Variants in ITSN1 observed in about 807,000 individuals in gnomAD.
ITSN1 encodes the protein intersectin-1.
A neutral mutation model predicts 239.8 loss-of-function variants in ITSN1; 58 were observed. The observed-to-expected ratio is 0.24, with a 90% confidence interval of 0.20 to 0.30. The LOEUF is 0.30. Among genes scored for constraint, ITSN1 ranks in the 10% least tolerant of loss-of-function variants. ITSN1 has a pLI of 1.00. For missense variants in ITSN1, 1,558 were observed against 2,103.3 expected (o/e 0.74, Z 5.07); for synonymous variants, 780 against 770.8 (o/e 1.01, Z -0.20).
rs777007166 is a variant in ITSN1, at chr21:33,735,189, A to T, written c.331A>T (p.Ser111Cys). Residue 111 changes from serine (S) to cysteine (C), a missense_variant, in exon 5 of 40, where the codon AGC (serine) becomes TGC (cysteine). Around this residue, in one of 2 missense-constraint regions of ITSN1, gnomAD observed 982 missense variants for 1,209.9 expected, o/e 0.81. Coordinates refer to ENST00000381318, the MANE Select transcript of ITSN1 (RefSeq NM_003024.3). ...GAAACAGCAACCAGTTGCTATTTCT[A>T]GCGCACCAGCATTTGGTAAGTCTGA... ...VMKQQPVAISSAPAFGMGGIA... is the reference protein window; with the variant it reads ...VMKQQPVAISCAPAFGMGGIA... The T allele has an allele frequency of 6.2e-7, 1 of 1,613,332 alleles. No homozygotes were observed. Among genetic ancestry groups the T allele is most frequent in the Admixed American group, 1.7e-5 (1 of 59,968 alleles).
At chr21:33,845,025 C>A (rs2074947681) in intron 29 of ITSN1, among the ~76,000 whole-genome samples, 1 of 152,112 alleles carries the variant, frequency 6.6e-6, no homozygotes, top group Non-Finnish European at 1.5e-5. Context: ...CCGCTGCCCA[C>A]TGAGAGTCAT....
At chr21:33,796,669 A>T (rs947135496) in intron 17 of ITSN1, among the ~76,000 whole-genome samples, 8 of 152,224 alleles carry the variant, frequency 5.3e-5, no homozygotes, top group African/African-American at 1.9e-4. Context: ...CTCATTTGTA[A>T]AATAGGAGTA....
At chr21:33,693,311 A>C (rs1243934198) in intron 1 of ITSN1, among the ~76,000 whole-genome samples, 1 of 150,706 alleles carries the variant, frequency 6.6e-6, no homozygotes, top group Non-Finnish European at 1.5e-5. Context: ...TGCTTTGCTC[A>C]TACCCTTCTT....
Position 33,653,172 on chromosome 21 carries a change from T to G in ITSN1, c.-33+10459T>G, listed in dbSNP as rs147510122. Among the ~76,000 whole-genome samples the G allele has an allele frequency of 5.3e-5, 8 of 152,208 alleles. No individual in the cohort carries two copies. In the East Asian group the frequency reaches 1.6e-3, roughly 30 times the overall value. On this transcript the variant is annotated intron_variant, in intron 1 of 39. Coordinates refer to ENST00000381318, the MANE Select transcript of ITSN1 (RefSeq NM_003024.3). ...ACCATGCCCAGCTAATTTTTATATT[T>G]TCAGTGGAGACGGGGTTTCGCCATG...
intron 35 of ITSN1, 54 bp from the exon 36 acceptor site, chr21:33,883,496 C>T (rs1011990867): frequency 2.7e-5 from 44 of 1,601,146 alleles, no homozygotes; most frequent in South Asian, 1.2e-4. Context: ...CACGGTTTAC[C>T]GGAGCACACA....
Position 33,879,560 on chromosome 21 carries a change from G to A in ITSN1, c.4342-2683G>A, listed in dbSNP as rs114257104. Among the ~76,000 whole-genome samples, 949 of 152,324 alleles carry A rather than the reference G, an allele frequency of 6.2e-3. 9 individuals are homozygous for A. Among genetic ancestry groups the A allele is most frequent in the African/African-American group, 0.021 (876 of 41,572 alleles). Reference sequence around the variant, plus strand: ...ACTCAAGCAGCCCCTGCACTGCCACGCAGAAATGCCGACACACAGTCATGT... The same window carrying A: ...ACTCAAGCAGCCCCTGCACTGCCACACAGAAATGCCGACACACAGTCATGT... On this transcript the variant is annotated intron_variant, in intron 34 of 39. Coordinates refer to ENST00000381318, the MANE Select transcript of ITSN1 (RefSeq NM_003024.3).
At chr21:33,666,829 G>A (rs762265246) in intron 1 of ITSN1, among the ~76,000 whole-genome samples, 1 of 152,064 alleles carries the variant, frequency 6.6e-6, no homozygotes, top group East Asian at 1.9e-4. Flanking sequence ...TAGAGACGGG[G>A]CTTTGCTCTG....
At chr21:33,838,733 C>G (rs975362772) in intron 29 of ITSN1, among the ~76,000 whole-genome samples, 9 of 150,876 alleles carry the variant, frequency 6.0e-5, no homozygotes, top group Non-Finnish European at 1.3e-4. Flanking sequence ...ATACCAGTTT[C>G]GAAACATAGA....
intron 16 of ITSN1, among the ~76,000 whole-genome samples, chr21:33,790,600 CACTTA>C (rs1223675392): frequency 6.6e-6 from 1 of 152,160 alleles, no homozygotes; most frequent in South Asian, 2.1e-4. Flanking sequence ...AAAAAAAAAT[CACTTA>C]ACTTTAGGAA....
At chr21:33,760,115 A>AAAAAAG (rs1555903111) in intron 8 of ITSN1, among the ~76,000 whole-genome samples, 1 of 151,720 alleles carries the variant, frequency 6.6e-6, no homozygotes, top group African/African-American at 2.4e-5. Flanking sequence ...CTCAAAAAAA[A>AAAAAAG]AAAAGAAAAG....
chr21:33,760,202 G>A (rs1443740568), intron 8 of ITSN1, among the ~76,000 whole-genome samples: 1 of 152,026 alleles, frequency 6.6e-6, no homozygotes, highest in Non-Finnish European at 1.5e-5. Context: ...GAGGATTAAT[G>A]TTCTACAACT....
At chr21:33,888,076 T>C in intron 39 of ITSN1, 76 bp from the exon 40 acceptor site, 1 of 1,473,664 alleles carries the variant, frequency 6.8e-7, no homozygotes, top group Non-Finnish European at 9.3e-7. Flanking sequence ...CATCAGGGGG[T>C]CCCCAATATG....
Position 33,836,987 on chromosome 21 carries a change from G to GAATC in ITSN1, c.3661+357_3661+360dup, listed in dbSNP as rs1200767520. 5 of 1,611,518 alleles carry GAATC rather than the reference G, an allele frequency of 3.1e-6. No individual in the cohort carries two copies. The Admixed American group carries it at 8.3e-5, about 27-fold the overall frequency. ...TGTGTTGTTTTCCTCCTTTTTCTAG[G>GAATC]AATCATATGTTGTCCATCCCCCCCT... On this transcript the variant is annotated intron_variant, in intron 29 of 39. Coordinates refer to ENST00000381318, the MANE Select transcript of ITSN1 (RefSeq NM_003024.3).
chr21:33,691,864 C>G (rs1441213341), intron 1 of ITSN1, among the ~76,000 whole-genome samples: 1 of 152,196 alleles, frequency 6.6e-6, no homozygotes, highest in African/African-American at 2.4e-5. Flanking sequence ...AATTACCTCC[C>G]AAAGGCTCGC....
At position 33,753,120 on chromosome 21, in the gene ITSN1, ATAAGTG is replaced by A. The variant is rs199939103; in HGVS notation, c.623+1215_623+1220del. On this transcript the variant is annotated intron_variant, in intron 7 of 39. Transcript: ENST00000381318. ...TTACTCGTGCAACAGAACGTAACTC[ATAAGTG>A]ACAGAGCTGAGTCAAACTGAGATGT... Among the ~76,000 whole-genome samples, 161 of 152,334 alleles carry A rather than the reference ATAAGTG, an allele frequency of 1.1e-3. No homozygotes were observed. In the East Asian group the frequency reaches 0.016, roughly 15 times the overall value.
At chr21:33,714,000 A>G (rs1018464595) in intron 1 of ITSN1, among the ~76,000 whole-genome samples, 1 of 151,646 alleles carries the variant, frequency 6.6e-6, no homozygotes, top group African/African-American at 2.4e-5. Flanking sequence ...ACACCGGGCT[A>G]ATTTTTTGTT....
chr21:33,883,484 C>T lies in ITSN1; in HGVS notation c.4555-66C>T. 3.1e-6 allele frequency: 5 copies of T among 1,593,152 alleles called. No individual in the cohort carries two copies. In the South Asian group the frequency reaches 4.4e-5, roughly 14 times the overall value. On this transcript the variant is annotated intron_variant, in intron 35 of 39. Transcript: ENST00000381318. ...ACATTGGCATAAGTGTGCTCACACA[C>T]TCACGGTTTACCGGAGCACACAGAC...
chr21:33,848,832 C>T lies in ITSN1; in HGVS notation c.3662-7904C>T, dbSNP rs754140328. Among the ~76,000 whole-genome samples the T allele has an allele frequency of 1.6e-4, 25 of 152,224 alleles. 1 individual carries two copies. The highest frequency in any genetic ancestry group is 3.4e-4 in the Non-Finnish European group (23 of 68,036). On this transcript the variant is annotated intron_variant, in intron 29 of 39. Transcript: ENST00000381318. ...TCCTCCCTCCATTTGAATCCCTCAC[C>T]GCTGCCTGCCCCCTCACCACCGATA...
chr21:33,811,111 C>T lies in ITSN1; in HGVS notation c.2456C>T (p.Ser819Leu), dbSNP rs2148188822. 4 of 1,614,200 alleles carry T rather than the reference C, an allele frequency of 2.5e-6. No homozygotes were observed. The Middle Eastern group carries it at 6.6e-4, about 266-fold the overall frequency. Residue 819 changes from serine to leucine, a missense_variant, in exon 21 of 40, where the codon TCA becomes TTA. By Grantham distance (145) the Ser-to-Leu change is moderately radical (BLOSUM62 -2). Transcript: ENST00000381318. ...GCTCCAGTGAAACCAGTGACTGATT[C>T]AACATCTGCCCCTGCCCCCAAACTG... is the stretch of plus-strand genomic sequence containing the variant. ...VPAPVKPVTD[S>L]TSAPAPKLAL... is the part of the protein sequence containing the mutation.
Sources: allele counts gnomAD v4.1 joint callset (sites outside exome capture counted in the v4.1 genomes callset), GRCh38; gene constraint gnomAD v4.1.1; regional missense constraint gnomAD v4.1.1; transcripts MANE v1.5; gene names NCBI Gene and HGNC (gene_info 2026-07-23, HGNC 2026-07-21).